TUSC3: variants seen among roughly 807,000 people sequenced by gnomAD.
The protein encoded by TUSC3 is dolichyl-diphosphooligosaccharide--protein glycosyltransferase subunit TUSC3.
Under a neutral mutation model 44.8 loss-of-function variants are expected in TUSC3, and 45 were observed. The observed-to-expected ratio is 1.00, with a 90% CI of 0.79 to 1.29. TUSC3 has a LOEUF of 1.29. Among genes scored for constraint, TUSC3 ranks in the 50% most tolerant of loss-of-function variants. The pLI, the probability that TUSC3 is intolerant of heterozygous loss-of-function variation, is 0.00. For missense variants in TUSC3, 519 were observed against 437.9 expected (o/e 1.19, Z -1.65); for synonymous variants, 212 against 152.9 (o/e 1.39, Z -2.85).
intron 6 of TUSC3, among the ~76,000 whole-genome samples, chr8:15,694,093 G>T (rs1809039848): frequency 6.6e-6 from 1 of 151,972 alleles, no homozygotes; most frequent in Non-Finnish European, 1.5e-5. Context: ...TTGAATCCTA[G>T]TGATCTTCGT....
intron 10 of TUSC3, among the ~76,000 whole-genome samples, chr8:15,763,040 C>G (rs907077677): frequency 6.6e-6 from 1 of 151,984 alleles, no homozygotes; most frequent in Admixed American, 6.6e-5. Flanking sequence ...TCAGAAACAG[C>G]TAACAAGAGT....
intron 1 of TUSC3, among the ~76,000 whole-genome samples, chr8:15,615,434 G>C (rs527383993): frequency 1.3e-5 from 2 of 152,156 alleles, no homozygotes; most frequent in African/African-American, 4.8e-5. Flanking sequence ...GCTCATAGAA[G>C]TAGAGAGTAG....
chr8:15,462,140 G>C (rs1563257539), intron 1 of TUSC3, among the ~76,000 whole-genome samples: 2 of 152,008 alleles, frequency 1.3e-5, no homozygotes, highest in Non-Finnish European at 2.9e-5. Context: ...AAGAGAACCT[G>C]GTCCAAGCTT....
At chr8:15,628,157 C>T (rs1253346730) in intron 2 of TUSC3, among the ~76,000 whole-genome samples, 1 of 152,044 alleles carries the variant, frequency 6.6e-6, no homozygotes, top group Non-Finnish European at 1.5e-5. Context: ...TTCCTAAAAA[C>T]TGAATGTATT....
intron 5 of TUSC3, among the ~76,000 whole-genome samples, chr8:15,667,120 C>A (rs531177616): frequency 6.6e-6 from 1 of 151,510 alleles, no homozygotes; most frequent in Non-Finnish European, 1.5e-5. Flanking sequence ...ACTTCATGCA[C>A]GGCTCATCTC....
intron 2 of TUSC3, among the ~76,000 whole-genome samples, chr8:15,487,050 T>C (rs1318804572): frequency 6.6e-6 from 1 of 152,238 alleles, no homozygotes; most frequent in Non-Finnish European, 1.5e-5. Flanking sequence ...GCATATATTA[T>C]TAGCTTCCCT....
the TUSC3 span, among the ~76,000 whole-genome samples, chr8:15,775,689 TAC>T: frequency 2.3e-3 from 144 of 62,376 alleles, no homozygotes; most frequent in Middle Eastern, 9.3e-3. Context: ...AATACATATG[TAC>T]ACACACACAT....
At chr8:15,847,591 G>A in the TUSC3 span, among the ~76,000 whole-genome samples, 11 of 152,110 alleles carry the variant, frequency 7.2e-5, no homozygotes, top group Admixed American at 1.3e-4. Flanking sequence ...TAATGGAAAG[G>A]GTAGGGATTT....
At chr8:15,596,074 A>C (rs1246604143) in intron 1 of TUSC3, among the ~76,000 whole-genome samples, 1 of 152,182 alleles carries the variant, frequency 6.6e-6, no homozygotes, top group African/African-American at 2.4e-5. Context: ...CTCTCATCTA[A>C]AGTGATGTAA....
chr8:15,772,888 G>A, the TUSC3 span, among the ~76,000 whole-genome samples: 1 of 152,166 alleles, frequency 6.6e-6, no homozygotes, highest in Admixed American at 6.5e-5. Context: ...TGAACAGAAT[G>A]AAGAGGGAAA....
chr8:15,686,566 G>C (rs958932483), intron 6 of TUSC3, among the ~76,000 whole-genome samples: 3 of 151,734 alleles, frequency 2.0e-5, no homozygotes, highest in Non-Finnish European at 4.4e-5. Flanking sequence ...ATGCCTCAGG[G>C]ATTTTGCACA....
At chr8:15,603,242 G>C (rs990976702) in intron 1 of TUSC3, among the ~76,000 whole-genome samples, 2 of 151,630 alleles carry the variant, frequency 1.3e-5, no homozygotes, top group Admixed American at 6.6e-5. Context: ...TGGAACCTGA[G>C]TTGTTAATAA....
chr8:15,460,163 A>T lies in TUSC3; in HGVS notation n.92-23223A>T, dbSNP rs575281407. ...GTTTACATTCCCAACAGGAGTGTAGAAGTGTTCCCTGATCTCTGCATCCAC... is the reference window on the plus strand; with the variant it reads ...GTTTACATTCCCAACAGGAGTGTAGTAGTGTTCCCTGATCTCTGCATCCAC... On this transcript the variant is annotated intron_variant and non_coding_transcript_variant, in intron 1 of 5. Coordinates refer to the TUSC3 transcript ENST00000503191. 3.3e-5 allele frequency among the ~76,000 whole-genome samples: 5 copies of T among 152,222 alleles called. No individual in the cohort carries two copies. The East Asian group carries it at 7.7e-4, about 24-fold the overall frequency.
the TUSC3 span, among the ~76,000 whole-genome samples, chr8:15,789,391 A>G: frequency 6.6e-6 from 1 of 152,168 alleles, no homozygotes; most frequent in East Asian, 1.9e-4. Flanking sequence ...ATATCATCTC[A>G]ACCCAGCCAC....
At chr8:15,816,847 G>C in the TUSC3 span, among the ~76,000 whole-genome samples, 1 of 152,162 alleles carries the variant, frequency 6.6e-6, no homozygotes, top group Non-Finnish European at 1.5e-5. Context: ...AGTATGTGCT[G>C]ATAGCAGCAT....
the TUSC3 span, among the ~76,000 whole-genome samples, chr8:15,800,574 T>TAAA: frequency 7.1e-6 from 1 of 139,916 alleles, no homozygotes; most frequent in African/African-American, 2.6e-5. Flanking sequence ...ACCCTGTCTT[T>TAAA]AAAAAAAAAA....
the TUSC3 span, among the ~76,000 whole-genome samples, chr8:15,773,550 A>G: frequency 2.6e-5 from 4 of 152,206 alleles, no homozygotes; most frequent in Non-Finnish European, 5.9e-5. Context: ...TCAATTTCCT[A>G]TTATAATCCA....
At chr8:15,764,095 A>T (rs779421369) in intron 10 of TUSC3, 108 bp from the exon 11 acceptor site, 7 of 1,136,220 alleles carry the variant, frequency 6.2e-6, no homozygotes, top group African/African-American at 3.1e-5. Flanking sequence ...TACAATTATG[A>T]CATTTTAATG....
chr8:15,785,772 T>C, the TUSC3 span, among the ~76,000 whole-genome samples: 4 of 151,938 alleles, frequency 2.6e-5, no homozygotes, highest in African/African-American at 7.3e-5. Flanking sequence ...GCCTAACATA[T>C]CACGAAGCAT....
Sources: gnomAD v4.1 joint callset for allele counts (sites outside exome capture counted in the v4.1 genomes callset) on GRCh38, gnomAD v4.1.1 for gene constraint, MANE v1.5 for transcripts, NCBI Gene and HGNC (gene_info 2026-07-23, HGNC 2026-07-21) for gene names.